MED24: variants seen among roughly 807,000 people sequenced by gnomAD.
MED24 encodes mediator of RNA polymerase II transcription subunit 24.
Under a neutral mutation model 118.8 loss-of-function variants are expected in MED24, and 74 were observed. That is an observed-to-expected ratio of 0.62 (90% CI 0.52 to 0.76). The LOEUF (loss-of-function observed/expected upper bound fraction) is 0.76. Ranked by LOEUF, MED24 falls within the 30% of genes least tolerant of loss-of-function variation. MED24 has a pLI of 0.00. For synonymous variants in MED24, 521 were observed against 523.9 expected, an observed-to-expected ratio of 0.99 and a Z score of 0.08; for missense variants, 1,041 against 1,278.9, an observed-to-expected ratio of 0.81 and a Z score of 2.84.
chr17:40,027,519 G>C (rs1982828414), intron 15 of MED24, 54 bp from the exon 16 acceptor site: 3 of 1,535,462 alleles, frequency 2.0e-6, no homozygotes, highest in Non-Finnish European at 2.7e-6. Context: ...GGGAGCCCGT[G>C]TCTGGGTTGA....
At chr17:40,048,341 CT>C (rs1985470746) in intron 3 of MED24, among the ~76,000 whole-genome samples, 3 of 152,148 alleles carry the variant, frequency 2.0e-5, no homozygotes, top group Non-Finnish European at 2.9e-5. Flanking sequence ...TACTGTTTAC[CT>C]TTTTGCTCTT....
rs772575089 is a variant in MED24 at position 40,037,214 on chromosome 17, GGGAA to G, written c.214-1064_214-1061del. Among the ~76,000 whole-genome samples, 229 of 142,822 alleles carry G rather than the reference GGGAA, an allele frequency of 1.6e-3. No homozygotes were observed. In the Middle Eastern group the frequency reaches 0.017, roughly 11 times the overall value. 93.7% of individuals were successfully genotyped at this position (142,822 alleles called of 152,430 possible). A position where few individuals can be genotyped will look rare whatever the true frequency, so the allele number is the denominator to read the frequency against. On this transcript the variant is annotated intron_variant, in intron 3 of 25. Coordinates refer to ENST00000394128, the MANE Select transcript of MED24 (RefSeq NM_014815.4). The stretch of plus-strand genomic sequence containing the variant: ...AAAGGGAGGGAGAGAGAGAGAAAGA[GGGAA>G]GGAAGGAAGGAAGGAAGGAAAGAAG...
In MED24 at chr17:40,019,146, T is replaced by G; in HGVS notation, c.*383A>C. ...TTATTTATACATGAACGAAGGTAGA[T>G]TTCCCTCACATATTACAAAATACAC... On this transcript the variant is annotated 3_prime_UTR_variant, in exon 26 of 26. Transcript: ENST00000394128. The G allele has an allele frequency of 5.6e-6, 1 of 179,212 alleles. No individual in the cohort carries two copies. Among genetic ancestry groups the G allele is most frequent in the Non-Finnish European group, 1.2e-5 (1 of 85,776 alleles). The allele number at this position is 179,212 out of a possible 1,614,324, so 11.1% of individuals were successfully genotyped here.
Position 40,022,015 on chromosome 17 carries a change from A to T in MED24, c.2563T>A (p.Ser855Thr). The T allele has an allele frequency of 6.2e-7, 1 of 1,611,798 alleles. No homozygotes were observed. Among genetic ancestry groups the T allele is most frequent in the Non-Finnish European group, 8.5e-7 (1 of 1,178,966 alleles). The change falls in exon 23 of 26, where the codon TCG becomes ACG. Residue 855 changes from serine to threonine, a missense_variant. Ser to Thr is a moderately conservative substitution (Grantham distance 58). Around this residue, in one of 3 missense-constraint regions of MED24, gnomAD observed 587 missense variants for 694.4 expected, o/e 0.85. Transcript: ENST00000394128. ...SLFPLDDVQP[S>T]KLMRLLSSNE... ...GAGCTCAGCAGTCGCATCAACTTCG[A>T]AGGCTGCACATCGTCCAGGGGGAAG... is the stretch of plus-strand genomic sequence containing the variant.
chr17:40,033,659 C>T lies in MED24; in HGVS notation c.560-203G>A, dbSNP rs143272038. On this transcript the variant is annotated intron_variant, in intron 6 of 25. Transcript: ENST00000394128. The surrounding 1 kb of genome is among the most constrained non-coding windows in gnomAD (Gnocchi z 5.2). ...GGTGGGCACCTAGAGCTGGAAACCC[C>T]AGAGACCATTCCCAAAAGCCTGATT... 967 of 687,884 alleles carry T rather than the reference C, an allele frequency of 1.4e-3. 8 individuals carry two copies. Among genetic ancestry groups the T allele is most frequent in the African/African-American group, 0.013 (726 of 56,952 alleles). The allele number at this position is 687,884 out of a possible 1,614,324, so 42.6% of individuals were successfully genotyped here.
At chr17:40,036,456 C>T (rs547678341) in intron 3 of MED24, among the ~76,000 whole-genome samples, 1 of 152,044 alleles carries the variant, frequency 6.6e-6, no homozygotes, top group African/African-American at 2.4e-5. Flanking sequence ...TTTGGGAGGC[C>T]GAGGCGGGCG....
At chr17:40,032,412 T>C in intron 9 of MED24, 1 of 572,432 alleles carries the variant, frequency 1.7e-6, no homozygotes, top group East Asian at 2.9e-5. Context: ...TGCACCTATC[T>C]GTCTGATGAC....
In MED24 at chr17:40,027,958, G is replaced by A; in HGVS notation, c.1410-12C>T. ...TGAATTCATTCAAACTGAAAGGAAT[G>A]GAGACAGGCTGCATTGACCAGGGCA... On this transcript the variant is annotated splice_polypyrimidine_tract_variant and intron_variant, in intron 14 of 25. Coordinates refer to ENST00000394128, the MANE Select transcript of MED24 (RefSeq NM_014815.4). 1 of 1,613,800 alleles carries A rather than the reference G, an allele frequency of 6.2e-7. No individual in the cohort carries two copies. The highest frequency in any genetic ancestry group is 1.3e-5 in the African/African-American group (1 of 75,064).
At chr17:40,027,725 T>G (rs1225198889) in intron 15 of MED24, 184 bp downstream of exon 15, 2 of 727,524 alleles carry the variant, frequency 2.7e-6, no homozygotes, top group Non-Finnish European at 4.6e-6. Flanking sequence ...AGGGATGGTC[T>G]GGGAAGAATC....
chr17:40,035,136 G>A lies in MED24; in HGVS notation c.540C>T (p.Ile180=). The change falls in exon 6 of 26, where the codon ATC becomes ATT. Residue 180 remains isoleucine, a synonymous_variant. Coordinates refer to ENST00000394128, the MANE Select transcript of MED24 (RefSeq NM_014815.4). Reference sequence around the variant, plus strand: ...ACATACAGGCCTCCTCTAGTTTGGCGATGTGCAGCAGGGCCCGGTTCTTGG... The same window carrying A: ...ACATACAGGCCTCCTCTAGTTTGGCAATGTGCAGCAGGGCCCGGTTCTTGG... ...SSTKNRALLH[I]AKLEEASSWT... The A allele has an allele frequency of 6.2e-7, 1 of 1,614,152 alleles. No homozygotes were observed. The highest frequency in any genetic ancestry group is 8.5e-7 in the Non-Finnish European group (1 of 1,180,026).
chr17:40,046,408 A>T (rs954816454), intron 3 of MED24, among the ~76,000 whole-genome samples: 5 of 150,998 alleles, frequency 3.3e-5, no homozygotes, highest in Admixed American at 2.6e-4. Context: ...AATAAAAAAA[A>T]ATATATATGT....
intron 4 of MED24, 111 bp downstream of exon 4, chr17:40,036,005 A>T: frequency 7.8e-7 from 1 of 1,289,296 alleles, no homozygotes; most frequent in Non-Finnish European, 1.1e-6. Flanking sequence ...TGCCAGCCAG[A>T]GGCATCATGT....
rs912403244 is a variant in MED24, at chr17:40,019,232, C to T, written c.*297G>A. 1 of 423,218 alleles carries T rather than the reference C, an allele frequency of 2.4e-6. No individual in the cohort carries two copies. Among genetic ancestry groups the T allele is most frequent in the Non-Finnish European group, 4.3e-6 (1 of 234,794 alleles). 26.2% of individuals were successfully genotyped at this position (423,218 alleles called of 1,614,324 possible). The stretch of plus-strand genomic sequence containing the variant: ...CACACTTTGCATCTAGAAAGTTCCT[C>T]AGAGGTAAGACTACTCCTGGGCTGG... On this transcript the variant is annotated 3_prime_UTR_variant, in exon 26 of 26. Transcript: ENST00000394128.
chr17:40,026,007 C>CA, intron 19 of MED24, 149 bp downstream of exon 19: 1 of 774,254 alleles, frequency 1.3e-6, no homozygotes, highest in Non-Finnish European at 2.1e-6. Context: ...TTTGCTGAGT[C>CA]AGATGAGTGA....
intron 3 of MED24, among the ~76,000 whole-genome samples, chr17:40,052,199 A>G (rs1405139738): frequency 6.6e-6 from 1 of 152,094 alleles, no homozygotes; most frequent in African/African-American, 2.4e-5. Context: ...AGGCTGAGGT[A>G]GGAGAATCGC....
At chr17:40,027,517 G>C (rs8071421) in intron 15 of MED24, 52 bp from the exon 16 acceptor site, 2 of 1,535,146 alleles carry the variant, frequency 1.3e-6, no homozygotes, top group African/African-American at 2.7e-5. Context: ...GGGGGAGCCC[G>C]TGTCTGGGTT....
intron 3 of MED24, among the ~76,000 whole-genome samples, chr17:40,050,911 C>A (rs561456659): frequency 6.6e-6 from 1 of 151,150 alleles, no homozygotes. Context: ...CCAAGGCAGG[C>A]GAATTACCTG....
intron 3 of MED24, among the ~76,000 whole-genome samples, chr17:40,050,457 A>G (rs1030802298): frequency 2.6e-5 from 4 of 152,126 alleles, no homozygotes; most frequent in Non-Finnish European, 4.4e-5. Context: ...AAAAAAAAAT[A>G]TGAGATACAC....
rs779273447 is a variant in MED24 at position 40,028,893 on chromosome 17, G to A, written c.1342C>T (p.Leu448=). The stretch of plus-strand genomic sequence containing the variant: ...GCGGCGGCAGCCAGCAGCAAGTCCA[G>A]ACTCTTCCCGGACAGCATGTGGCCC... ...VLGHMLSGKS[L]DLLLAAAAAT... The change falls in exon 14 of 26, where the codon CTG becomes TTG. Residue 448 remains leucine (L), a synonymous_variant. Coordinates refer to ENST00000394128, the MANE Select transcript of MED24 (RefSeq NM_014815.4). 2 of 1,614,040 alleles carry A rather than the reference G, an allele frequency of 1.2e-6. No individual in the cohort carries two copies. Among genetic ancestry groups the A allele is most frequent in the Admixed American group, 1.7e-5 (1 of 60,008 alleles).
Sources: gnomAD v4.1 joint callset for allele counts (sites outside exome capture counted in the v4.1 genomes callset) on GRCh38, gnomAD v4.1.1 for gene constraint, gnomAD v4.1.1 regional missense constraint, Gnocchi (gnomAD v3.1) non-coding constraint, MANE v1.5 for transcripts, NCBI Gene and HGNC (gene_info 2026-07-23, HGNC 2026-07-21) for gene names.